The following PRKG1 variants were observed in gnomAD, a reference collection of about 807,000 sequenced individuals.
PRKG1 encodes protein kinase cGMP-dependent 1.
PRKG1 carries 35 observed loss-of-function variants against 88.1 expected under a neutral mutation model. The ratio of observed to expected loss-of-function variants is 0.40; its 90% confidence interval spans 0.30 to 0.53. PRKG1 has a LOEUF of 0.53. PRKG1 is among the 20% of genes least tolerant of loss of function. PRKG1 has a pLI of 0.59. For missense variants in PRKG1, 540 were observed against 839.8 expected, an observed-to-expected ratio of 0.64 and a Z score of 4.41; for synonymous variants, 303 against 292.5, an observed-to-expected ratio of 1.04 and a Z score of -0.37.
intron 4 of PRKG1, among the ~76,000 whole-genome samples, chr10:51,898,037 A>C (rs1841893382): frequency 6.6e-6 from 1 of 151,910 alleles, no homozygotes; most frequent in Non-Finnish European, 1.5e-5. Context: ...TCTTTTCCCC[A>C]GTTCACTGAA....
At chr10:51,920,592 T>G (rs1181297367) in intron 5 of PRKG1, among the ~76,000 whole-genome samples, 1 of 152,182 alleles carries the variant, frequency 6.6e-6, no homozygotes, top group Non-Finnish European at 1.5e-5. Context: ...TATATATCTA[T>G]CTTTATATCG....
At chr10:51,485,748 G>A (rs952715594) in intron 3 of PRKG1, among the ~76,000 whole-genome samples, 2 of 152,078 alleles carry the variant, frequency 1.3e-5, no homozygotes, top group African/African-American at 4.8e-5. Flanking sequence ...GAAACAAAAG[G>A]GGCAAGACAC....
chr10:52,194,745 G>A (rs1244651546), intron 9 of PRKG1, among the ~76,000 whole-genome samples: 1 of 152,010 alleles, frequency 6.6e-6, no homozygotes, highest in East Asian at 1.9e-4. Context: ...TTCCTGTAAT[G>A]TTTTACCTAT....
intron 1 of PRKG1, among the ~76,000 whole-genome samples, chr10:51,125,456 G>A (rs551030853): frequency 5.3e-5 from 8 of 150,898 alleles, no homozygotes; most frequent in African/African-American, 1.9e-4. Flanking sequence ...AGGAGGCCAA[G>A]TTGGGCAGAT....
chr10:51,114,798 A>G lies in PRKG1; in HGVS notation c.312-38366A>G, dbSNP rs141817697. On this transcript the variant is annotated intron_variant, in intron 1 of 17. Coordinates refer to ENST00000373980, the MANE Select transcript of PRKG1 (RefSeq NM_006258.4). ...GATAAGGTGCATGCTAAAACATTGT[A>G]TAGGTTTCTACAAATGACTTGGAGC... 4.6e-5 allele frequency among the ~76,000 whole-genome samples: 7 copies of G among 152,278 alleles called. No individual in the cohort carries two copies. In the East Asian group the frequency reaches 1.3e-3, roughly 29 times the overall value.
At chr10:51,861,905 A>T (rs1840884218) in intron 4 of PRKG1, among the ~76,000 whole-genome samples, 1 of 152,152 alleles carries the variant, frequency 6.6e-6, no homozygotes. Context: ...TTGGCCCAAC[A>T]GGCTGCACTT....
rs970495341 is a variant in PRKG1, at chr10:51,597,318, C to A, written c.592+129482C>A. Among the ~76,000 whole-genome samples the A allele has an allele frequency of 7.2e-5, 11 of 152,018 alleles. No homozygotes were observed. In the East Asian group the frequency reaches 2.1e-3, roughly 29 times the overall value. The stretch of plus-strand genomic sequence containing the variant: ...AAGTTAGAGAATGTTTGTATGCTGT[C>A]TCAGTTTAATCACACACACTTACCA... On this transcript the variant is annotated intron_variant, in intron 3 of 17. Transcript: ENST00000373980.
At chr10:52,225,996 C>T (rs1419359746) in intron 9 of PRKG1, among the ~76,000 whole-genome samples, 1 of 150,984 alleles carries the variant, frequency 6.6e-6, no homozygotes, top group African/African-American at 2.4e-5. Flanking sequence ...TTCTTTGTCT[C>T]CTCCACTAGC....
chr10:51,994,043 C>G (rs1486083736), intron 5 of PRKG1, among the ~76,000 whole-genome samples: 1 of 152,126 alleles, frequency 6.6e-6, no homozygotes, highest in African/African-American at 2.4e-5. Flanking sequence ...AACCAGGAGA[C>G]CACATACTTC....
intron 3 of PRKG1, among the ~76,000 whole-genome samples, chr10:51,608,889 C>A (rs1021713800): frequency 2.0e-5 from 3 of 150,980 alleles, no homozygotes; most frequent in East Asian, 1.9e-4. Context: ...ACAACAACAA[C>A]AAAAAAGTAA....
chr10:51,560,295 T>C (rs1029399878), intron 3 of PRKG1, among the ~76,000 whole-genome samples: 6 of 152,112 alleles, frequency 3.9e-5, no homozygotes, highest in African/African-American at 1.4e-4. Context: ...TGGAATGGAA[T>C]GTTGATGATC....
intron 3 of PRKG1, among the ~76,000 whole-genome samples, chr10:51,622,626 A>G (rs781346963): frequency 3.9e-5 from 6 of 152,198 alleles, no homozygotes; most frequent in Non-Finnish European, 5.9e-5. Context: ...AATCAGTAAG[A>G]TAAATAAGAT....
intron 1 of PRKG1, among the ~76,000 whole-genome samples, chr10:51,144,868 A>G (rs943108953): frequency 2.6e-5 from 4 of 152,188 alleles, no homozygotes; most frequent in African/African-American, 4.8e-5. Flanking sequence ...AGTCACCATT[A>G]TCAGTCAAGA....
intron 2 of PRKG1, among the ~76,000 whole-genome samples, chr10:51,360,754 C>A (rs1018288323): frequency 2.0e-5 from 3 of 151,828 alleles, no homozygotes; most frequent in Non-Finnish European, 4.4e-5. Context: ...TAAGTTGTTT[C>A]CTTTAGTAGT....
At chr10:51,656,874 T>C (rs16921062) in intron 3 of PRKG1, among the ~76,000 whole-genome samples, 6,811 of 152,204 alleles carry the variant, frequency 0.045, 187 homozygotes, top group Middle Eastern at 0.078. Flanking sequence ...ATTGGTAGCA[T>C]AGAGTAAGGC....
chr10:51,901,534 T>A (rs536005735), intron 4 of PRKG1, among the ~76,000 whole-genome samples: 4 of 152,334 alleles, frequency 2.6e-5, no homozygotes, highest in African/African-American at 9.6e-5. Context: ...GTTTCATTTG[T>A]CTCTTAATTA....
intron 4 of PRKG1, among the ~76,000 whole-genome samples, chr10:51,870,834 A>G (rs1465230147): frequency 6.6e-6 from 1 of 152,204 alleles, no homozygotes; most frequent in African/African-American, 2.4e-5. Context: ...ATTTCAAGCA[A>G]TCAGTGACTG....
intron 8 of PRKG1, among the ~76,000 whole-genome samples, chr10:52,159,673 C>T (rs751350409): frequency 9.2e-5 from 14 of 151,628 alleles, no homozygotes; most frequent in Non-Finnish European, 1.9e-4. Context: ...TAATTCTTGT[C>T]AAATTTATCA....
chr10:51,682,728 G>A (rs1475570482), intron 3 of PRKG1, among the ~76,000 whole-genome samples: 1 of 152,206 alleles, frequency 6.6e-6, no homozygotes, highest in East Asian at 1.9e-4. Flanking sequence ...AAAGTGAGGT[G>A]TAGAAATGAG....
Sources: allele counts gnomAD v4.1 joint callset (sites outside exome capture counted in the v4.1 genomes callset), GRCh38; gene constraint gnomAD v4.1.1; transcripts MANE v1.5; gene names NCBI Gene and HGNC (gene_info 2026-07-23, HGNC 2026-07-21).